Variants in RIMS2 observed in about 807,000 individuals in gnomAD.
RIMS2 encodes regulating synaptic membrane exocytosis 2.
RIMS2 carries 59 observed loss-of-function variants against 174.4 expected under a neutral mutation model. The ratio of observed to expected loss-of-function variants is 0.34; its 90% CI spans 0.27 to 0.42. The LOEUF (loss-of-function observed/expected upper bound fraction) is 0.42, where lower values mean the gene tolerates loss of function less well. RIMS2 is among the 10% of genes least tolerant of loss of function. The probability of loss-of-function intolerance (pLI) is 1.00; values close to 1 mark genes in which losing one functional copy is unlikely to be tolerated. For synonymous variants in RIMS2, 606 were observed against 572.5 expected (o/e 1.06, Z -0.84); for missense variants, 1,620 against 1,666.3 (o/e 0.97, Z 0.48).
intron 15 of RIMS2, among the ~76,000 whole-genome samples, chr8:103,972,436 C>A (rs187110830): frequency 6.6e-6 from 1 of 152,292 alleles, no homozygotes; most frequent in African/African-American, 2.4e-5. Context: ...TGACTTACTA[C>A]CTTGTCTAGC....
At chr8:103,611,309 G>C (rs1294251385) in intron 1 of RIMS2, among the ~76,000 whole-genome samples, 1 of 151,924 alleles carries the variant, frequency 6.6e-6, no homozygotes, top group Admixed American at 6.6e-5. Flanking sequence ...TTATTTTCAT[G>C]GTTCATCACT....
chr8:104,043,594 A>G (rs1221871336), intron 19 of RIMS2, among the ~76,000 whole-genome samples: 1 of 151,696 alleles, frequency 6.6e-6, no homozygotes, highest in Non-Finnish European at 1.5e-5. Flanking sequence ...TTTTTCATGA[A>G]TTGGGAGATA....
At chr8:104,130,714 G>A (rs1034771829) in intron 19 of RIMS2, among the ~76,000 whole-genome samples, 1 of 152,140 alleles carries the variant, frequency 6.6e-6, no homozygotes, top group Admixed American at 6.6e-5. Flanking sequence ...TGTATATACA[G>A]TTGGCATAAA....
downstream of RIMS2, chr8:104,254,593 C>T (rs1267288107): frequency 2.0e-5 from 3 of 152,168 alleles, no homozygotes. Flanking sequence ...TAGAGCATTT[C>T]TTTAAAACGC....
intron 19 of RIMS2, among the ~76,000 whole-genome samples, chr8:104,097,926 G>C (rs1292588326): frequency 6.6e-6 from 1 of 150,952 alleles, no homozygotes; most frequent in African/African-American, 2.4e-5. Flanking sequence ...TAATATGAAG[G>C]AAAAAAAAAT....
chr8:103,608,829 A>T (rs1479940320), intron 1 of RIMS2, among the ~76,000 whole-genome samples: 1 of 152,220 alleles, frequency 6.6e-6, no homozygotes, highest in African/African-American at 2.4e-5. Context: ...CAAGTGAGGC[A>T]ATGCCTCGCC....
chr8:103,556,480 A>G (rs1414016349), intron 1 of RIMS2, among the ~76,000 whole-genome samples: 2 of 152,156 alleles, frequency 1.3e-5, no homozygotes, highest in Non-Finnish European at 2.9e-5. Flanking sequence ...AGGAAATAAT[A>G]TTATTTTTAC....
intron 3 of RIMS2, among the ~76,000 whole-genome samples, chr8:103,791,319 C>T (rs187083666): frequency 6.6e-6 from 1 of 152,240 alleles, no homozygotes; most frequent in African/African-American, 2.4e-5. Context: ...TCCAGTCAAA[C>T]TAAGCTTTTT....
chr8:103,904,924 G>T (rs866732399), intron 4 of RIMS2, among the ~76,000 whole-genome samples: 1 of 151,576 alleles, frequency 6.6e-6, no homozygotes, highest in East Asian at 1.9e-4. Flanking sequence ...AGGTTTTTTT[G>T]TGTGGTTGCT....
exon 24 of RIMS2, chr8:104,251,834 A>T: frequency 7.1e-7 from 1 of 1,418,376 alleles, no homozygotes; most frequent in Non-Finnish European, 9.8e-7. Context: ...CTGTAAAAAA[A>T]TTGTTGTCAC....
At chr8:103,691,388 C>A (rs997133056) in intron 1 of RIMS2, among the ~76,000 whole-genome samples, 1 of 151,962 alleles carries the variant, frequency 6.6e-6, no homozygotes, top group South Asian at 2.1e-4. Context: ...TTTTTTTCCT[C>A]TTCTGACTGT....
At chr8:104,133,306 G>A (rs1329777645) in intron 19 of RIMS2, among the ~76,000 whole-genome samples, 1 of 152,160 alleles carries the variant, frequency 6.6e-6, no homozygotes, top group Non-Finnish European at 1.5e-5. Flanking sequence ...GAAAGAGAAA[G>A]GCAGAGACCA....
intron 15 of RIMS2, among the ~76,000 whole-genome samples, chr8:103,965,061 G>C (rs996879623): frequency 2.0e-5 from 3 of 152,128 alleles, no homozygotes; most frequent in Non-Finnish European, 2.9e-5. Context: ...GATTACTGTA[G>C]TTTCATAGTA....
chr8:104,084,983 G>A (rs775073102), intron 19 of RIMS2, among the ~76,000 whole-genome samples: 3 of 152,080 alleles, frequency 2.0e-5, no homozygotes, highest in Admixed American at 6.6e-5. Context: ...AAAATTAGAT[G>A]ACTATTATGA....
chr8:104,229,857 T>C (rs2099214568), intron 19 of RIMS2, among the ~76,000 whole-genome samples: 1 of 152,228 alleles, frequency 6.6e-6, no homozygotes, highest in Non-Finnish European at 1.5e-5. Flanking sequence ...ATAAATTTAG[T>C]CACCAAAAAT....
rs1194550934 is a variant in RIMS2, at chr8:103,575,677, C to CATATATATATAT, written c.176+74616_176+74617insTATATATATATA. 7.0e-5 allele frequency among the ~76,000 whole-genome samples: 6 copies of CATATATATATAT among 85,918 alleles called. No homozygotes were observed. The East Asian group carries it at 5.8e-3, about 83-fold the overall frequency. The allele number at this position is 85,918 out of a possible 152,430, so 56.4% of individuals were successfully genotyped here. On this transcript the variant is annotated intron_variant, in intron 1 of 23. Transcript: ENST00000504942. The stretch of plus-strand genomic sequence containing the variant: ...ATATATATAAACACACACATACACA[C>CATATATATATAT]ACACACACATATATATATATATACA...
rs951126671 is a variant in RIMS2, at chr8:103,719,321, G to GT, written c.387+22032dup. Among the ~76,000 whole-genome samples the GT allele has an allele frequency of 6.6e-5, 10 of 152,096 alleles. 1 individual carries two copies. Among genetic ancestry groups the GT allele is most frequent in the East Asian group, 1.9e-4 (1 of 5,200 alleles). ...TTTGTTTCTGTCACCGGTAGTCAAT[G>GT]TTTTTTTGCTTCTTATACCCAAAAA... On this transcript the variant is annotated intron_variant, in intron 2 of 23. Coordinates refer to ENST00000504942, the Ensembl canonical transcript of RIMS2.
At chr8:104,086,781 C>T (rs949666481) in intron 19 of RIMS2, among the ~76,000 whole-genome samples, 4 of 152,064 alleles carry the variant, frequency 2.6e-5, no homozygotes, top group African/African-American at 7.2e-5. Context: ...GGAGAAAATG[C>T]CTTCTTCACA....
intron 3 of RIMS2, among the ~76,000 whole-genome samples, chr8:103,831,865 A>G (rs1470721090): frequency 6.6e-6 from 1 of 152,234 alleles, no homozygotes; most frequent in Admixed American, 6.5e-5. Context: ...CATAACTGAA[A>G]ACAGAACAAA....
Sources: allele counts gnomAD v4.1 joint callset (sites outside exome capture counted in the v4.1 genomes callset), GRCh38; gene constraint gnomAD v4.1.1; transcripts MANE v1.5; gene names NCBI Gene and HGNC (gene_info 2026-07-23, HGNC 2026-07-21).